Variants in RASGRF2 observed in about 807,000 individuals in gnomAD.
RASGRF2 encodes the protein Ras protein specific guanine nucleotide releasing factor 2, also known as ras-specific guanine nucleotide-releasing factor 2.
RASGRF2 carries 76 observed loss-of-function variants against 151.0 expected under a neutral mutation model. The observed-to-expected ratio is 0.50, with a 90% CI of 0.42 to 0.61. The LOEUF is 0.61. RASGRF2 is among the 20% of genes least tolerant of loss of function. The pLI is 0.00. For synonymous variants in RASGRF2, 504 were observed against 566.5 expected (o/e 0.89, Z 1.57); for missense variants, 1,148 against 1,564.6 (o/e 0.73, Z 4.49).
In RASGRF2 at chr5:81,094,861, G is replaced by A; in HGVS notation, c.1624G>A (p.Gly542Ser). ...EPDASDDDSK[G>S]SGQVFGHLDF... is the part of the protein sequence containing the mutation. ...TTGCTTTACATGTGTTCAAGCTAAA[G>A]GTTCTGGGCAAGTGTTTGGGCACCT... The change falls in exon 12 of 27, where the codon GGT becomes AGT. Residue 542 changes from glycine to serine, a missense_variant. By Grantham distance (56) the Gly-to-Ser change is moderately conservative. This residue lies in a region of RASGRF2 where 646 missense variants were observed against 807.4 expected (regional missense o/e 0.80). Transcript: ENST00000265080. 1 of 1,600,288 alleles carries A rather than the reference G, an allele frequency of 6.2e-7. No homozygotes were observed. Among genetic ancestry groups the A allele is most frequent in the Non-Finnish European group, 8.6e-7 (1 of 1,168,578 alleles).
intron 3 of RASGRF2, chr5:81,070,116 C>A: frequency 4.6e-6 from 1 of 216,694 alleles, no homozygotes; most frequent in Non-Finnish European, 9.4e-6. Context: ...CTGAGTGTCA[C>A]TGCATGTGGG....
At chr5:81,210,160 C>G (rs184421166) in intron 22 of RASGRF2, 1 of 152,832 alleles carries the variant, frequency 6.5e-6, no homozygotes, top group African/African-American at 2.4e-5. Flanking sequence ...ATGCTGAGGT[C>G]TGAGGGGAGT....
At chr5:80,982,851 G>C (rs531075509) in intron 1 of RASGRF2, among the ~76,000 whole-genome samples, 151 of 152,008 alleles carry the variant, frequency 9.9e-4, no homozygotes, top group South Asian at 3.7e-3. Flanking sequence ...CTGCCCGCCT[G>C]GGCCTCCCAA....
intron 18 of RASGRF2, among the ~76,000 whole-genome samples, chr5:81,182,646 A>C (rs1297255063): frequency 1.3e-5 from 2 of 152,170 alleles, no homozygotes; most frequent in Non-Finnish European, 2.9e-5. Flanking sequence ...AAATGGTTCG[A>C]ATAGACAGAG....
intron 12 of RASGRF2, among the ~76,000 whole-genome samples, chr5:81,099,907 C>CTTTTTTTT (rs577876645): frequency 1.9e-3 from 235 of 124,992 alleles, no homozygotes; most frequent in Non-Finnish European, 2.6e-3. Flanking sequence ...TTTCTTTTTT[C>CTTTTTTTT]TTTTTTTTTT....
In RASGRF2 at chr5:80,979,007, A is replaced by C. The variant is rs534440219; in HGVS notation, c.288+17981A>C. Among the ~76,000 whole-genome samples, 22 of 152,322 alleles carry C rather than the reference A, an allele frequency of 1.4e-4. No individual in the cohort carries two copies. The South Asian group carries it at 3.9e-3, about 27-fold the overall frequency. On this transcript the variant is annotated intron_variant, in intron 1 of 26. Coordinates refer to ENST00000265080, the MANE Select transcript of RASGRF2 (RefSeq NM_006909.3). ...TATTTAGCCTGTTTTAATATTGAAA[A>C]GCTTTGTTTTGCTATTGTGATTCTG...
At chr5:81,192,940 A>AC (rs1343065222) in intron 18 of RASGRF2, among the ~76,000 whole-genome samples, 1 of 151,888 alleles carries the variant, frequency 6.6e-6, no homozygotes, top group Non-Finnish European at 1.5e-5. Flanking sequence ...CATTAAATTA[A>AC]CCCCCCACCT....
intron 5 of RASGRF2, among the ~76,000 whole-genome samples, chr5:81,075,194 G>T (rs1321318261): frequency 6.6e-6 from 1 of 152,194 alleles, no homozygotes. Context: ...TGGATTCTGG[G>T]TGTATTTTTA....
At chr5:81,140,334 C>T (rs1753853821) in intron 17 of RASGRF2, among the ~76,000 whole-genome samples, 1 of 151,752 alleles carries the variant, frequency 6.6e-6, no homozygotes, top group South Asian at 2.1e-4. Context: ...TGTTTTTTTC[C>T]AAAATATATT....
chr5:81,092,296 T>C (rs936451266), intron 9 of RASGRF2, among the ~76,000 whole-genome samples: 1 of 141,454 alleles, frequency 7.1e-6, no homozygotes, highest in East Asian at 2.1e-4. Flanking sequence ...ATATAATTTA[T>C]ATATTTTTAT....
intron 9 of RASGRF2, among the ~76,000 whole-genome samples, chr5:81,091,135 A>G (rs1447217207): frequency 6.6e-6 from 1 of 152,014 alleles, no homozygotes; most frequent in African/African-American, 2.4e-5. Flanking sequence ...TTGGCCTCAG[A>G]CCTCAGTTTC....
At chr5:81,004,503 T>A (rs1749201013) in intron 1 of RASGRF2, among the ~76,000 whole-genome samples, 1 of 152,342 alleles carries the variant, frequency 6.6e-6, no homozygotes, top group African/African-American at 2.4e-5. Flanking sequence ...TGAGGCTGCA[T>A]GTCCAATAGC....
At chr5:81,094,809 T>G (rs1752498104) in intron 11 of RASGRF2, 47 bp from the exon 12 acceptor site, 1 of 1,535,578 alleles carries the variant, frequency 6.5e-7, no homozygotes, top group African/African-American at 1.4e-5. Flanking sequence ...TATCACTCTT[T>G]GTTTTTTTGT....
At chr5:81,085,391 G>A in intron 7 of RASGRF2, among the ~76,000 whole-genome samples, 1 of 152,216 alleles carries the variant, frequency 6.6e-6, no homozygotes, top group Non-Finnish European at 1.5e-5. Context: ...GGAGAATAGT[G>A]CAGTGGGATT....
intron 1 of RASGRF2, among the ~76,000 whole-genome samples, chr5:81,001,409 T>G (rs543607970): frequency 1.3e-5 from 2 of 152,322 alleles, no homozygotes; most frequent in Admixed American, 1.3e-4. Context: ...GGTGCACTAT[T>G]TGGTATCCTC....
chr5:81,124,975 C>T (rs1368425595), intron 16 of RASGRF2, among the ~76,000 whole-genome samples: 2 of 152,040 alleles, frequency 1.3e-5, no homozygotes, highest in African/African-American at 2.4e-5. Context: ...GCAACCTCCA[C>T]CTCCCAGGTT....
intron 1 of RASGRF2, among the ~76,000 whole-genome samples, chr5:81,014,026 C>T (rs1365977065): frequency 3.9e-5 from 6 of 152,020 alleles, no homozygotes; most frequent in Middle Eastern, 3.4e-3. Flanking sequence ...TCCTATGGAT[C>T]GTCTTTTTTT....
intron 17 of RASGRF2, among the ~76,000 whole-genome samples, chr5:81,144,533 G>A (rs530344216): frequency 1.3e-5 from 2 of 152,222 alleles, no homozygotes; most frequent in South Asian, 4.1e-4. Flanking sequence ...AGCAGTTATG[G>A]GTCATTTTTA....
chr5:81,084,617 G>A (rs925414260), intron 7 of RASGRF2, among the ~76,000 whole-genome samples: 1 of 152,176 alleles, frequency 6.6e-6, no homozygotes, highest in Non-Finnish European at 1.5e-5. Context: ...TATGCATAGT[G>A]TGTAAATGGA....
Sources: gnomAD v4.1 joint callset for allele counts (sites outside exome capture counted in the v4.1 genomes callset) on GRCh38, gnomAD v4.1.1 for gene constraint, gnomAD v4.1.1 regional missense constraint, MANE v1.5 for transcripts, NCBI Gene and HGNC (gene_info 2026-07-23, HGNC 2026-07-21) for gene names.